The following SCAF8 variants were observed in gnomAD, a reference collection of about 807,000 sequenced individuals.
SCAF8 encodes the protein SR-related and CTD-associated factor 8.
A neutral mutation model predicts 140.5 loss-of-function variants in SCAF8; 23 were observed. The observed-to-expected ratio is 0.16, with a 90% CI of 0.12 to 0.23. The LOEUF is 0.23. SCAF8 is among the 10% of genes least tolerant of loss of function. SCAF8 has a pLI of 1.00. For synonymous variants in SCAF8, 575 were observed against 528.9 expected, an observed-to-expected ratio of 1.09 and a Z score of -1.20; for missense variants, 1,397 against 1,555.7, an observed-to-expected ratio of 0.90 and a Z score of 1.72.
chr6:154,781,656 C>G (rs1052575236), intron 3 of SCAF8, among the ~76,000 whole-genome samples: 12 of 152,180 alleles, frequency 7.9e-5, no homozygotes, highest in African/African-American at 4.8e-5. Context: ...AGTAGTATTT[C>G]AGGGTATGAA....
At chr6:154,814,770 G>A (rs577992384) in intron 12 of SCAF8, among the ~76,000 whole-genome samples, 11 of 152,310 alleles carry the variant, frequency 7.2e-5, no homozygotes, top group African/African-American at 2.4e-4. Context: ...GGCATGAACT[G>A]TACAGCTGAA....
At chr6:154,808,341 A>C in intron 10 of SCAF8, 140 bp downstream of exon 10, 1 of 875,352 alleles carries the variant, frequency 1.1e-6, no homozygotes, top group Non-Finnish European at 1.7e-6. Context: ...TATTAGGCCA[A>C]GCTTGTCCAA....
At chr6:154,734,107 C>T (rs183514580) in intron 1 of SCAF8, among the ~76,000 whole-genome samples, 177 bp downstream of exon 1, 3 of 152,272 alleles carry the variant, frequency 2.0e-5, no homozygotes, top group Admixed American at 2.0e-4. Flanking sequence ...CCCCCGGGTC[C>T]GGGAGGAGGG....
At position 154,784,155 on chromosome 6, in the gene SCAF8, A is replaced by ATATATATTTATT. The variant is rs1408182952; in HGVS notation, c.160-3703_160-3702insATATTTATTTAT. The stretch of plus-strand genomic sequence containing the variant: ...TATATATATATATATATATATATAT[A>ATATATATTTATT]TATTTATTTATTTATTTTTCATGTA... On this transcript the variant is annotated intron_variant, in intron 3 of 19. Transcript: ENST00000367178. Among the ~76,000 whole-genome samples, 173 of 91,890 alleles carry ATATATATTTATT rather than the reference A, an allele frequency of 1.9e-3. 1 individual carries two copies. The highest frequency in any genetic ancestry group is 2.3e-3 in the South Asian group (6 of 2,624). 60.3% of individuals were successfully genotyped at this position (91,890 alleles called of 152,430 possible).
chr6:154,811,038 A>G (rs899642684), intron 12 of SCAF8, among the ~76,000 whole-genome samples: 2 of 152,202 alleles, frequency 1.3e-5, no homozygotes, highest in Non-Finnish European at 2.9e-5. Flanking sequence ...ATAAAAGGCA[A>G]TAGCCATCTT....
rs146669605 is a variant in SCAF8, at chr6:154,760,985, A to G, written c.31-13004A>G. 2.1e-4 allele frequency among the ~76,000 whole-genome samples: 32 copies of G among 151,666 alleles called. 1 individual carries two copies. The East Asian group carries it at 6.2e-3, about 29-fold the overall frequency. ...TTTTTCTTTTTTTTTAAATTTTTGT[A>G]GAGGCAGGGCCTTGCTGTGCTGTGC... On this transcript the variant is annotated intron_variant, in intron 1 of 19. Transcript: ENST00000367178.
chr6:154,759,813 C>T (rs1417845707), intron 1 of SCAF8, among the ~76,000 whole-genome samples: 1 of 151,846 alleles, frequency 6.6e-6, no homozygotes, highest in African/African-American at 2.4e-5. Context: ...CTACAGGCGC[C>T]TGCCACCACG....
At chr6:154,767,529 C>CTTTTT in intron 1 of SCAF8, among the ~76,000 whole-genome samples, 1 of 91,036 alleles carries the variant, frequency 1.1e-5, no homozygotes, top group Non-Finnish European at 2.2e-5. Flanking sequence ...CTTCTGTTAT[C>CTTTTT]TTTTTTTTTT....
intron 1 of SCAF8, among the ~76,000 whole-genome samples, chr6:154,737,312 G>A (rs549377152): frequency 2.6e-5 from 4 of 152,178 alleles, no homozygotes; most frequent in African/African-American, 9.6e-5. Context: ...GCTTTGTAAG[G>A]AATCAAAATT....
chr6:154,833,454 A>G lies in SCAF8; in HGVS notation c.*59A>G. 6.7e-7 allele frequency: 1 copy of G among 1,492,226 alleles called. No homozygotes were observed. The highest frequency in any genetic ancestry group is 9.1e-7 in the Non-Finnish European group (1 of 1,098,846). 92.4% of individuals were successfully genotyped at this position (1,492,226 alleles called of 1,614,324 possible). A position where few individuals can be genotyped will look rare whatever the true frequency, so the allele number is the denominator to read the frequency against. ...AAGTTGTCATCTCTCTGTAATAGAT[A>G]ATGGCTGACTGGACCATAGTTGTTC... On this transcript the variant is annotated 3_prime_UTR_variant, in exon 20 of 20. Coordinates refer to ENST00000367178, the MANE Select transcript of SCAF8 (RefSeq NM_014892.5).
intron 1 of SCAF8, among the ~76,000 whole-genome samples, chr6:154,738,520 A>G (rs1163523451): frequency 6.6e-6 from 1 of 152,210 alleles, no homozygotes; most frequent in Non-Finnish European, 1.5e-5. Flanking sequence ...TTCTATTTAA[A>G]CATCATCACT....
intron 11 of SCAF8, 50 bp from the exon 12 acceptor site, chr6:154,809,965 T>C: frequency 6.9e-7 from 1 of 1,439,868 alleles, no homozygotes; most frequent in Non-Finnish European, 9.6e-7. Context: ...GTGACAGATT[T>C]GGTAGAAAGA....
rs1778507814 is a variant in SCAF8, at chr6:154,824,494, T to C, written c.2071+116T>C. The C allele has an allele frequency of 9.9e-6, 9 of 909,674 alleles. No individual in the cohort carries two copies. The South Asian group carries it at 1.6e-4, about 16-fold the overall frequency. 56.4% of individuals were successfully genotyped at this position (909,674 alleles called of 1,614,324 possible). A position where few individuals can be genotyped will look rare whatever the true frequency, so the allele number is the denominator to read the frequency against. On this transcript the variant is annotated intron_variant, in intron 17 of 19. Transcript: ENST00000367178. ...TCTGAGACCTTAGCATGCATAGCCT[T>C]GTTAAAGCGCAGATTGCTGGGCCCA...
Position 154,759,790 on chromosome 6 carries a change from C to T in SCAF8, c.31-14199C>T, listed in dbSNP as rs990279501. ...ACGCCATTCTCCTGCCTCAGCCTCCCGAATAGCTGGGACTACAGGCGCCTG... is the reference window on the plus strand; with the variant it reads ...ACGCCATTCTCCTGCCTCAGCCTCCTGAATAGCTGGGACTACAGGCGCCTG... On this transcript the variant is annotated intron_variant, in intron 1 of 19. Transcript: ENST00000367178. Among the ~76,000 whole-genome samples the T allele has an allele frequency of 4.0e-5, 6 of 151,842 alleles. No individual in the cohort carries two copies. In the East Asian group the frequency reaches 5.8e-4, roughly 15 times the overall value.
chr6:154,794,767 G>C (rs1562449772), intron 5 of SCAF8, among the ~76,000 whole-genome samples: 1 of 84,692 alleles, frequency 1.2e-5, no homozygotes, highest in Non-Finnish European at 2.3e-5. Context: ...GGTGGGGGGG[G>C]GGGGGTGTGG....
rs189071569 is a variant in SCAF8, at chr6:154,829,901, G to A, written c.2141-1021G>A. ...TAGCCTGGCAACCGAGCGAGAGACT[G>A]TCTCAAAAAAAAGATAGGTTTAAAA... On this transcript the variant is annotated intron_variant, in intron 18 of 19. Coordinates refer to ENST00000367178, the MANE Select transcript of SCAF8 (RefSeq NM_014892.5). 1.4e-4 allele frequency among the ~76,000 whole-genome samples: 21 copies of A among 152,132 alleles called. No homozygotes were observed. In the East Asian group the frequency reaches 3.9e-3, roughly 28 times the overall value.
chr6:154,783,663 T>G (rs1408391413), intron 3 of SCAF8, among the ~76,000 whole-genome samples: 1 of 152,214 alleles, frequency 6.6e-6, no homozygotes, highest in Admixed American at 6.5e-5. Flanking sequence ...TGTACATGGT[T>G]GTTAATGGTG....
intron 1 of SCAF8, among the ~76,000 whole-genome samples, chr6:154,747,506 A>G (rs965920177): frequency 5.3e-5 from 8 of 152,064 alleles, no homozygotes; most frequent in African/African-American, 1.4e-4. Context: ...GCAAGACCCT[A>G]TCTCAAAACA....
rs147074926 is a variant in SCAF8, at chr6:154,794,905, G to A, written c.476-104G>A. ...ACACAATAAAATAAAAACAATATGC[G>A]TGCATGTGTTTTATAAAAGTAATAA... On this transcript the variant is annotated intron_variant, in intron 5 of 19. Transcript: ENST00000367178. 596 of 1,019,698 alleles carry A rather than the reference G, an allele frequency of 5.8e-4. 3 individuals are homozygous for A. The African/African-American group carries it at 8.2e-3, about 14-fold the overall frequency. 63.2% of individuals were successfully genotyped at this position (1,019,698 alleles called of 1,614,324 possible). A position where few individuals can be genotyped will look rare whatever the true frequency, so the allele number is the denominator to read the frequency against.
Sources: gnomAD v4.1 joint callset for allele counts (sites outside exome capture counted in the v4.1 genomes callset) on GRCh38, gnomAD v4.1.1 for gene constraint, MANE v1.5 for transcripts, NCBI Gene and HGNC (gene_info 2026-07-23, HGNC 2026-07-21) for gene names.